Variants in CNTNAP2 observed in about 807,000 individuals in gnomAD.
The protein encoded by CNTNAP2 is contactin associated protein 2, also known as contactin-associated protein-like 2.
Under a neutral mutation model 155.2 loss-of-function variants are expected in CNTNAP2, and 98 were observed. The ratio of observed to expected loss-of-function variants is 0.63; its 90% CI spans 0.54 to 0.75. The LOEUF is 0.75. Among genes scored for constraint, CNTNAP2 ranks in the 30% least tolerant of loss-of-function variants. The pLI, the probability that CNTNAP2 is intolerant of heterozygous loss-of-function variation, is 0.00. For missense variants in CNTNAP2, 1,727 were observed against 1,688.1 expected (o/e 1.02, Z -0.40); for synonymous variants, 651 against 631.2 (o/e 1.03, Z -0.47).
intron 13 of CNTNAP2, among the ~76,000 whole-genome samples, chr7:147,711,508 G>A (rs931265520): frequency 1.3e-5 from 2 of 152,170 alleles, no homozygotes; most frequent in Non-Finnish European, 2.9e-5. Flanking sequence ...GAGCAGAAAA[G>A]CACTGCTCTA....
intron 11 of CNTNAP2, among the ~76,000 whole-genome samples, chr7:147,541,509 T>C (rs113012495): frequency 0.016 from 2,411 of 152,278 alleles, 66 homozygotes; most frequent in African/African-American, 0.056. Flanking sequence ...TCACATGCTC[T>C]CCGAGGTCTT....
chr7:147,038,763 G>A (rs766935973), intron 3 of CNTNAP2, among the ~76,000 whole-genome samples: 2 of 152,160 alleles, frequency 1.3e-5, no homozygotes, highest in Non-Finnish European at 2.9e-5. Flanking sequence ...TTTACATTAT[G>A]CAATGGTCTT....
At chr7:147,427,877 G>A (rs1797405375) in intron 10 of CNTNAP2, among the ~76,000 whole-genome samples, 1 of 152,072 alleles carries the variant, frequency 6.6e-6, no homozygotes, top group South Asian at 2.1e-4. Flanking sequence ...GTTTATGATG[G>A]CTTTTACTGT....
intron 8 of CNTNAP2, among the ~76,000 whole-genome samples, chr7:147,133,532 C>T (rs752621758): frequency 6.6e-6 from 1 of 151,928 alleles, no homozygotes; most frequent in Non-Finnish European, 1.5e-5. Context: ...CTCTCTTTTC[C>T]CCTCTAGGCT....
intron 10 of CNTNAP2, among the ~76,000 whole-genome samples, chr7:147,454,729 CT>C (rs1269690306): frequency 4.1e-4 from 60 of 146,836 alleles, no homozygotes; most frequent in African/African-American, 6.7e-4. Flanking sequence ...TAGCCTTTCT[CT>C]TTTTTTTTTT....
At chr7:147,616,427 C>T (rs1801294445) in intron 12 of CNTNAP2, among the ~76,000 whole-genome samples, 1 of 152,192 alleles carries the variant, frequency 6.6e-6, no homozygotes, top group South Asian at 2.1e-4. Context: ...ATATGCCTTA[C>T]AAGAAACTAC....
intron 1 of CNTNAP2, among the ~76,000 whole-genome samples, chr7:146,671,372 T>C (rs1800301340): frequency 6.6e-6 from 1 of 151,912 alleles, no homozygotes; most frequent in East Asian, 1.9e-4. Context: ...TATTTCTCTC[T>C]ATCCCACCTC....
At chr7:147,141,040 C>T (rs993666184) in intron 8 of CNTNAP2, among the ~76,000 whole-genome samples, 1 of 152,154 alleles carries the variant, frequency 6.6e-6, no homozygotes, top group Non-Finnish European at 1.5e-5. Flanking sequence ...TGTCACTGTG[C>T]TAAAGCCTTT....
intron 18 of CNTNAP2, among the ~76,000 whole-genome samples, chr7:148,193,309 C>G (rs141717027): frequency 2.0e-5 from 3 of 152,112 alleles, no homozygotes; most frequent in Non-Finnish European, 4.4e-5. Context: ...GCCAACCTAG[C>G]CATTAGGTGG....
chr7:147,432,902 G>A (rs915007960), intron 10 of CNTNAP2, among the ~76,000 whole-genome samples: 1 of 152,150 alleles, frequency 6.6e-6, no homozygotes, highest in Admixed American at 6.5e-5. Flanking sequence ...CTAAGTTTAT[G>A]ATTAAATATG....
At chr7:147,200,085 C>T (rs1476920129) in intron 8 of CNTNAP2, among the ~76,000 whole-genome samples, 1 of 151,534 alleles carries the variant, frequency 6.6e-6, no homozygotes, top group Admixed American at 6.6e-5. Context: ...TCCTTTCTCA[C>T]CACTTGCTGT....
intron 10 of CNTNAP2, among the ~76,000 whole-genome samples, chr7:147,405,863 C>T (rs1216475922): frequency 2.6e-5 from 4 of 152,026 alleles, no homozygotes; most frequent in African/African-American, 9.7e-5. Flanking sequence ...GAAGGTGATA[C>T]TATATGGAAA....
chr7:147,613,424 T>C (rs913512326), intron 12 of CNTNAP2, among the ~76,000 whole-genome samples: 2 of 152,222 alleles, frequency 1.3e-5, no homozygotes, highest in African/African-American at 2.4e-5. Context: ...TCTCTTCTAC[T>C]CAGTGGCCTA....
At chr7:146,185,959 C>T (rs1027831906) in intron 1 of CNTNAP2, among the ~76,000 whole-genome samples, 2 of 151,900 alleles carry the variant, frequency 1.3e-5, no homozygotes, top group African/African-American at 4.8e-5. Context: ...TTCCATCAGG[C>T]ATTTTTATTT....
intron 8 of CNTNAP2, among the ~76,000 whole-genome samples, chr7:147,177,504 ATT>A (rs1802374101): frequency 6.6e-6 from 1 of 152,102 alleles, no homozygotes; most frequent in South Asian, 2.1e-4. Context: ...TTCTTTATAA[ATT>A]ACCCGTTCTC....
At chr7:147,474,841 T>TTA (rs1798287189) in intron 10 of CNTNAP2, among the ~76,000 whole-genome samples, 5 of 152,126 alleles carry the variant, frequency 3.3e-5, no homozygotes, top group Admixed American at 2.6e-4. Flanking sequence ...CTCTGCCTTA[T>TTA]GGAGCTGAGG....
chr7:146,398,628 A>G (rs1019404437), intron 1 of CNTNAP2, among the ~76,000 whole-genome samples: 2 of 152,180 alleles, frequency 1.3e-5, no homozygotes, highest in African/African-American at 4.8e-5. Flanking sequence ...AAACATCTAG[A>G]AGGTGAGAAG....
At chr7:147,827,055 T>C (rs1798464057) in intron 13 of CNTNAP2, among the ~76,000 whole-genome samples, 1 of 151,596 alleles carries the variant, frequency 6.6e-6, no homozygotes, top group Non-Finnish European at 1.5e-5. Context: ...CTCAGCCTCC[T>C]GAGTAGCGGG....
At chr7:148,236,070 A>T (rs1796037110) in intron 20 of CNTNAP2, among the ~76,000 whole-genome samples, 1 of 152,090 alleles carries the variant, frequency 6.6e-6, no homozygotes, top group Non-Finnish European at 1.5e-5. Flanking sequence ...TGTGGACTAG[A>T]TCTGTGCTTT....
Sources: allele counts gnomAD v4.1 joint callset (sites outside exome capture counted in the v4.1 genomes callset), GRCh38; gene constraint gnomAD v4.1.1; transcripts MANE v1.5; gene names NCBI Gene and HGNC (gene_info 2026-07-23, HGNC 2026-07-21).